Variants in NLGN1 observed in about 807,000 individuals in gnomAD.
The protein encoded by NLGN1 is neuroligin-1.
NLGN1 carries 12 observed loss-of-function variants against 65.5 expected under a neutral mutation model. That is an observed-to-expected ratio of 0.18 (90% CI 0.12 to 0.30). The LOEUF (loss-of-function observed/expected upper bound fraction) is 0.30. Ranked by LOEUF, NLGN1 falls within the 10% of genes least tolerant of loss-of-function variation. The pLI is 1.00. For missense variants in NLGN1, 750 were observed against 1,007.1 expected, an observed-to-expected ratio of 0.74 and a Z score of 3.46; for synonymous variants, 350 against 359.5, an observed-to-expected ratio of 0.97 and a Z score of 0.30.
At chr3:173,612,631 C>G (rs1752479083) in intron 3 of NLGN1, among the ~76,000 whole-genome samples, 1 of 152,032 alleles carries the variant, frequency 6.6e-6, no homozygotes, top group South Asian at 2.1e-4. Flanking sequence ...GGCCCCTAGA[C>G]TTAGGGCCCT....
At chr3:173,567,025 C>T (rs944287157) in intron 2 of NLGN1, among the ~76,000 whole-genome samples, 1 of 152,030 alleles carries the variant, frequency 6.6e-6, no homozygotes, top group African/African-American at 2.4e-5. Flanking sequence ...ATGCTGTGCC[C>T]TTGTGGGACC....
intron 4 of NLGN1, among the ~76,000 whole-genome samples, chr3:174,155,004 A>ATGTATAATATAT: frequency 7.3e-6 from 1 of 137,548 alleles, no homozygotes; most frequent in East Asian, 2.0e-4. Flanking sequence ...ATATATATTT[A>ATGTATAATATAT]TATATTGATA....
chr3:173,727,808 G>T (rs1772051808), intron 3 of NLGN1, among the ~76,000 whole-genome samples: 1 of 152,030 alleles, frequency 6.6e-6, no homozygotes, highest in Admixed American at 6.6e-5. Flanking sequence ...TGTATTTTTT[G>T]ATGCTGCTAA....
intron 4 of NLGN1, among the ~76,000 whole-genome samples, chr3:173,848,413 C>T (rs893367730): frequency 6.6e-6 from 1 of 152,170 alleles, no homozygotes; most frequent in Non-Finnish European, 1.5e-5. Flanking sequence ...TAAACAGACT[C>T]CCCTTTCCAC....
chr3:174,010,524 T>C (rs1405021438), intron 4 of NLGN1, among the ~76,000 whole-genome samples: 1 of 152,228 alleles, frequency 6.6e-6, no homozygotes, highest in Non-Finnish European at 1.5e-5. Context: ...TGTTAAGGCA[T>C]CTATGCTTAA....
At chr3:174,259,211 A>G (rs1370675659) in intron 4 of NLGN1, among the ~76,000 whole-genome samples, 1 of 152,038 alleles carries the variant, frequency 6.6e-6, no homozygotes, top group Non-Finnish European at 1.5e-5. Flanking sequence ...CCCAGACCTT[A>G]TCTTATATAT....
chr3:173,956,891 TC>T (rs1341728218), intron 4 of NLGN1, among the ~76,000 whole-genome samples: 1 of 152,212 alleles, frequency 6.6e-6, no homozygotes, highest in East Asian at 1.9e-4. Context: ...AATTTATTTT[TC>T]CCACTGATGA....
At chr3:173,779,691 G>A (rs574022666) in intron 3 of NLGN1, among the ~76,000 whole-genome samples, 1 of 152,000 alleles carries the variant, frequency 6.6e-6, no homozygotes, top group African/African-American at 2.4e-5. Flanking sequence ...ATGGAACATA[G>A]GCTAAACCTA....
intron 4 of NLGN1, among the ~76,000 whole-genome samples, chr3:173,994,698 T>G (rs1274920046): frequency 6.6e-6 from 1 of 152,110 alleles, no homozygotes; most frequent in African/African-American, 2.4e-5. Context: ...GCGTCTAATT[T>G]TTTGACTTTA....
chr3:174,066,564 C>CTCTCTGTGTGTGTG, intron 4 of NLGN1, among the ~76,000 whole-genome samples: 1 of 100,052 alleles, frequency 1.0e-5, no homozygotes, highest in East Asian at 3.4e-4. Flanking sequence ...CTCTCTCTCT[C>CTCTCTGTGTGTGTG]TGTGTGTGTG....
chr3:173,992,291 A>T (rs1721280786), intron 4 of NLGN1, among the ~76,000 whole-genome samples: 1 of 152,150 alleles, frequency 6.6e-6, no homozygotes, highest in Non-Finnish European at 1.5e-5. Flanking sequence ...CATTTTTCAA[A>T]ATCTGGTAGT....
chr3:174,077,473 A>G (rs931258621), intron 4 of NLGN1, among the ~76,000 whole-genome samples: 2 of 152,196 alleles, frequency 1.3e-5, no homozygotes, highest in African/African-American at 4.8e-5. Flanking sequence ...AATAGTAGCA[A>G]ATGATGATCA....
intron 2 of NLGN1, among the ~76,000 whole-genome samples, chr3:173,600,340 T>A (rs529897826): frequency 6.6e-6 from 1 of 152,094 alleles, no homozygotes; most frequent in African/African-American, 2.4e-5. Context: ...TAGCATTGGT[T>A]AAGAGTCACC....
intron 2 of NLGN1, among the ~76,000 whole-genome samples, chr3:173,540,720 T>C (rs1460189148): frequency 6.6e-6 from 1 of 152,150 alleles, no homozygotes; most frequent in Non-Finnish European, 1.5e-5. Context: ...GAAAAGCAAG[T>C]GTTCTTGTTG....
Position 173,762,739 on chromosome 3 carries a change from A to G in NLGN1, c.494-44941A>G, listed in dbSNP as rs73880571. Among the ~76,000 whole-genome samples, 1,022 of 152,154 alleles carry G rather than the reference A, an allele frequency of 6.7e-3. 12 individuals are homozygous for G. Among genetic ancestry groups the G allele is most frequent in the African/African-American group, 0.023 (976 of 41,546 alleles). On this transcript the variant is annotated intron_variant, in intron 3 of 6. Transcript: ENST00000457714. Reference sequence around the variant, plus strand: ...CTCACTATAAGAGAGTAACTTAGACATGGAAAGTGACTGCTTAGTCATCGA... The same window carrying G: ...CTCACTATAAGAGAGTAACTTAGACGTGGAAAGTGACTGCTTAGTCATCGA...
intron 4 of NLGN1, among the ~76,000 whole-genome samples, chr3:174,208,576 C>T (rs111881612): frequency 0.017 from 2,520 of 151,712 alleles, 75 homozygotes; most frequent in African/African-American, 0.058. Flanking sequence ...CATAGCTGGC[C>T]TAAGTAGCTT....
chr3:173,632,551 G>A (rs1205818271), intron 3 of NLGN1, among the ~76,000 whole-genome samples: 1 of 152,134 alleles, frequency 6.6e-6, no homozygotes, highest in Non-Finnish European at 1.5e-5. Context: ...AGAAAAAAAT[G>A]GCCTTGGTTC....
chr3:173,452,500 C>A (rs1397748824), intron 2 of NLGN1, among the ~76,000 whole-genome samples: 1 of 152,030 alleles, frequency 6.6e-6, no homozygotes, highest in Non-Finnish European at 1.5e-5. Flanking sequence ...TTCTTGCCGG[C>A]TTTCACATTC....
At chr3:173,536,779 G>T (rs1737508238) in intron 2 of NLGN1, among the ~76,000 whole-genome samples, 1 of 152,286 alleles carries the variant, frequency 6.6e-6, no homozygotes, top group African/African-American at 2.4e-5. Flanking sequence ...GTGTGTGTGT[G>T]TGCGTAGGGA....
Sources: gnomAD v4.1 joint callset for allele counts (sites outside exome capture counted in the v4.1 genomes callset) on GRCh38, gnomAD v4.1.1 for gene constraint, MANE v1.5 for transcripts, NCBI Gene and HGNC (gene_info 2026-07-23, HGNC 2026-07-21) for gene names.